Variants in PTCD3 observed in about 807,000 individuals in gnomAD.
The protein encoded by PTCD3 is pentatricopeptide repeat domain 3, also known as small ribosomal subunit protein mS39.
In PTCD3, 89 loss-of-function variants were observed where a neutral mutation model predicts 101.9. The observed-to-expected ratio is 0.87, with a 90% CI of 0.74 to 1.04. The LOEUF is 1.04. PTCD3 is among the 50% of genes least tolerant of loss of function. PTCD3 has a pLI of 0.00. For missense variants in PTCD3, 870 were observed against 828.2 expected (o/e 1.05, Z -0.62); for synonymous variants, 296 against 278.5 (o/e 1.06, Z -0.63).
At position 86,108,371 on chromosome 2, in the gene PTCD3, CCT is replaced by C; in HGVS notation, c.130_131del (p.Ser44LysfsTer3). On this transcript the variant is annotated frameshift_variant, in exon 2 of 24. Coordinates refer to ENST00000254630, the MANE Select transcript of PTCD3 (RefSeq NM_017952.6). LOFTEE classifies it high-confidence loss of function. ...GCAGATTTTATTCTGGTAGTGCAAC[CCT>C]CTCAAAGGTTGAAGGAACTGATGTA... ...SCRFYSGSAT[L>X]SKVEGTDVTG... 1 of 1,607,898 alleles carries C rather than the reference CCT, an allele frequency of 6.2e-7. No individual in the cohort carries two copies. Among genetic ancestry groups the C allele is most frequent in the Non-Finnish European group, 8.5e-7 (1 of 1,177,678 alleles).
chr2:86,135,109 C>G (rs372156571), intron 21 of PTCD3, 122 bp downstream of exon 21: 3 of 1,207,386 alleles, frequency 2.5e-6, no homozygotes. Flanking sequence ...CGGGAACTTG[C>G]AAATACCAAC....
At chr2:86,133,028 T>A (rs113478761) in intron 17 of PTCD3, 150 bp from the exon 18 acceptor site, 1 of 1,312,708 alleles carries the variant, frequency 7.6e-7, no homozygotes, top group South Asian at 1.6e-5. Flanking sequence ...CACTGGCAGC[T>A]CTTAAACCAA....
chr2:86,129,837 A>C (rs751850451), intron 14 of PTCD3, among the ~76,000 whole-genome samples: 4 of 152,170 alleles, frequency 2.6e-5, no homozygotes, highest in Non-Finnish European at 4.4e-5. Flanking sequence ...CAAAACAGGT[A>C]GGGAAAGGAG....
rs1054590924 is a variant in PTCD3 at position 86,139,780 on chromosome 2, GAC to G, written c.*2223_*2224del. ...TGCACCACTGCATTCCAGCCTGGTT[GAC>G]AGAGTGACCCTTGTCTCCAAGAAAA... On this transcript the variant is annotated 3_prime_UTR_variant, in exon 24 of 24. Coordinates refer to ENST00000254630, the MANE Select transcript of PTCD3 (RefSeq NM_017952.6). 1 of 152,020 alleles carries G rather than the reference GAC, an allele frequency of 6.6e-6. No homozygotes were observed. The highest frequency in any genetic ancestry group is 1.5e-5 in the Non-Finnish European group (1 of 68,078). The allele number at this position is 152,020 out of a possible 1,614,324, so 9.4% of individuals were successfully genotyped here. A position where few individuals can be genotyped will look rare whatever the true frequency, so the allele number is the denominator to read the frequency against.
rs144180161 is a variant in PTCD3, at chr2:86,130,610, G to A, written c.1148-38G>A. The A allele has an allele frequency of 4.1e-3, 6,562 of 1,593,728 alleles. 22 individuals carry two copies. The highest frequency in any genetic ancestry group is 8.0e-3 in the South Asian group (692 of 86,850). On this transcript the variant is annotated intron_variant, in intron 14 of 23. Coordinates refer to ENST00000254630, the MANE Select transcript of PTCD3 (RefSeq NM_017952.6). ...GTACAGTGAGTTTGGTGGTGGTAAA[G>A]GAAGTGGATTAAACACATTTGCTTT...
intron 14 of PTCD3, among the ~76,000 whole-genome samples, chr2:86,128,617 G>T (rs551377617): frequency 1.3e-5 from 2 of 152,144 alleles, no homozygotes; most frequent in Non-Finnish European, 1.5e-5. Context: ...GTTTGTGGAC[G>T]TTTCTGCTCC....
Position 86,115,501 on chromosome 2 carries a change from T to G in PTCD3, c.241-1029T>G, listed in dbSNP as rs144788901. Among the ~76,000 whole-genome samples the G allele has an allele frequency of 6.4e-3, 972 of 152,248 alleles. 10 individuals carry two copies. Among genetic ancestry groups the G allele is most frequent in the African/African-American group, 0.022 (919 of 41,540 alleles). ...GTGAGGCTCAAGGGAAAGGGGTTTTTGAAAGGGGTAGCAGAAAGCTAGGTC... is the reference window on the plus strand; with the variant it reads ...GTGAGGCTCAAGGGAAAGGGGTTTTGGAAAGGGGTAGCAGAAAGCTAGGTC... On this transcript the variant is annotated intron_variant, in intron 4 of 23. Transcript: ENST00000254630.
At chr2:86,131,012 A>C in intron 15 of PTCD3, 66 bp from the exon 16 acceptor site, 1 of 1,515,054 alleles carries the variant, frequency 6.6e-7, no homozygotes, top group East Asian at 2.3e-5. Context: ...ATTTTTGTTA[A>C]TGTTACTGAC....
intron 21 of PTCD3, chr2:86,136,046 T>C (rs1674579253): frequency 1.9e-6 from 1 of 518,906 alleles, no homozygotes; most frequent in Non-Finnish European, 3.8e-6. Context: ...GAACCCCTGC[T>C]GTACTTTAAG....
chr2:86,127,982 G>T lies in PTCD3; in HGVS notation c.1138G>T (p.Asp380Tyr). The T allele has an allele frequency of 6.2e-7, 1 of 1,606,740 alleles. No homozygotes were observed. Among genetic ancestry groups the T allele is most frequent in the South Asian group, 1.1e-5 (1 of 90,878 alleles). Residue 380 changes from aspartate (D) to tyrosine (Y), a missense_variant, in exon 14 of 24, where the codon GAT (aspartate) becomes TAT (tyrosine). Asp to Tyr is a radical substitution (Grantham distance 160, BLOSUM62 -3). Coordinates refer to ENST00000254630, the MANE Select transcript of PTCD3 (RefSeq NM_017952.6). ...ATATCACCATATTATTCGCCTGTTT[G>T]ATCAACCTGGTATGTATGGCCTTAA... The part of the protein sequence containing the change: ...ATYHHIIRLF[D>Y]QPGDPLKRSS...
intron 14 of PTCD3, among the ~76,000 whole-genome samples, chr2:86,128,262 A>ATTT (rs35529284): frequency 4.5e-5 from 6 of 133,018 alleles, no homozygotes; most frequent in Admixed American, 1.5e-4. Context: ...TGCCTAGCTG[A>ATTT]TTTTTTTTTT....
intron 5 of PTCD3, 131 bp downstream of exon 5, chr2:86,116,729 T>A (rs747386807): frequency 8.5e-5 from 60 of 706,982 alleles, no homozygotes; most frequent in Middle Eastern, 7.4e-4. Flanking sequence ...ATGTGAATCC[T>A]TTACTACTTT....
At chr2:86,134,183 A>G (rs1674539098) in intron 19 of PTCD3, 109 bp from the exon 20 acceptor site, 3 of 776,992 alleles carry the variant, frequency 3.9e-6, no homozygotes, top group South Asian at 1.8e-5. Flanking sequence ...TAAGCCTAGA[A>G]TAAATAACAG....
intron 14 of PTCD3, 91 bp from the exon 15 acceptor site, chr2:86,130,557 G>A (rs1384292438): frequency 2.6e-6 from 4 of 1,515,620 alleles, no homozygotes; most frequent in Non-Finnish European, 3.5e-6. Flanking sequence ...GGAGGTGGAG[G>A]AAGGAGAAAT....
At chr2:86,130,524 A>T in intron 14 of PTCD3, 124 bp from the exon 15 acceptor site, 2 of 1,436,714 alleles carry the variant, frequency 1.4e-6, no homozygotes, top group Non-Finnish European at 1.8e-6. Flanking sequence ...GCCTCCACCC[A>T]GATCTATGCG....
At chr2:86,125,227 C>G (rs1674362168) in intron 10 of PTCD3, 145 bp downstream of exon 10, 1 of 1,332,530 alleles carries the variant, frequency 7.5e-7, no homozygotes, top group African/African-American at 1.5e-5. Context: ...TGGCTTCTAC[C>G]CACTGGATGT....
At chr2:86,113,352 A>T (rs899813192) in intron 4 of PTCD3, among the ~76,000 whole-genome samples, 1 of 152,190 alleles carries the variant, frequency 6.6e-6, no homozygotes, top group Non-Finnish European at 1.5e-5. Context: ...TGTATTTTTT[A>T]TTAACCAAAA....
intron 8 of PTCD3, among the ~76,000 whole-genome samples, chr2:86,122,634 A>G (rs765360998): frequency 1.3e-5 from 2 of 152,138 alleles, no homozygotes; most frequent in Non-Finnish European, 1.5e-5. Flanking sequence ...AGTGCCCAGG[A>G]TGGTGTCTTC....
intron 15 of PTCD3, 162 bp downstream of exon 15, chr2:86,130,899 G>A (rs575078866): frequency 2.7e-5 from 39 of 1,446,912 alleles, no homozygotes; most frequent in Non-Finnish European, 3.3e-5. Context: ...AGTAATATTT[G>A]CCATGGTCTT....
Sources: gnomAD v4.1 joint callset for allele counts (sites outside exome capture counted in the v4.1 genomes callset) on GRCh38, gnomAD v4.1.1 for gene constraint, MANE v1.5 for transcripts, NCBI Gene and HGNC (gene_info 2026-07-23, HGNC 2026-07-21) for gene names.